KCNN2: variants seen among roughly 807,000 people sequenced by gnomAD.
KCNN2 encodes the protein potassium calcium-activated channel subfamily N member 2.
Under a neutral mutation model 55.5 loss-of-function variants are expected in KCNN2, and 24 were observed. That is an observed-to-expected ratio of 0.43 (90% CI 0.31 to 0.61). The LOEUF is 0.61. KCNN2 is among the 20% of genes least tolerant of loss of function. The pLI is 0.08. For missense variants in KCNN2, 754 were observed against 853.6 expected, an observed-to-expected ratio of 0.88 and a Z score of 1.45; for synonymous variants, 431 against 336.1, an observed-to-expected ratio of 1.28 and a Z score of -3.09.
At chr5:114,078,741 G>A (rs1225535195) in intron 1 of KCNN2, among the ~76,000 whole-genome samples, 1 of 152,166 alleles carries the variant, frequency 6.6e-6, no homozygotes, top group Non-Finnish European at 1.5e-5. Flanking sequence ...TGGATAAGAT[G>A]TAGGTAGGTA....
chr5:114,469,977 T>A (rs2125772), intron 4 of KCNN2, among the ~76,000 whole-genome samples: 121,964 of 152,020 alleles, frequency 0.8, 49,305 homozygotes, highest in East Asian at 0.92. Flanking sequence ...AAAGGAGTAG[T>A]GTTAGGATAA....
At chr5:114,141,075 C>T (rs1439061208) in intron 1 of KCNN2, among the ~76,000 whole-genome samples, 1 of 152,076 alleles carries the variant, frequency 6.6e-6, no homozygotes, top group African/African-American at 2.4e-5. Flanking sequence ...GCATAAGCCA[C>T]CATGCCTGCT....
intron 2 of KCNN2, among the ~76,000 whole-genome samples, chr5:114,399,852 A>G (rs560167876): frequency 2.9e-4 from 44 of 149,952 alleles, no homozygotes; most frequent in African/African-American, 1.0e-3. Flanking sequence ...TGTTTCCAGG[A>G]ATTTTTCTAT....
chr5:114,160,778 T>C (rs1209791451), intron 1 of KCNN2, among the ~76,000 whole-genome samples: 2 of 149,966 alleles, frequency 1.3e-5, no homozygotes, highest in African/African-American at 5.1e-5. Flanking sequence ...TTGTCTCTTT[T>C]GATCTTTGTT....
intron 2 of KCNN2, among the ~76,000 whole-genome samples, chr5:114,381,205 T>C (rs1758115435): frequency 6.6e-6 from 1 of 152,220 alleles, no homozygotes; most frequent in Non-Finnish European, 1.5e-5. Flanking sequence ...TGCCATAATG[T>C]TCTGTATCAC....
intron 2 of KCNN2, among the ~76,000 whole-genome samples, chr5:114,242,492 A>G (rs1321249163): frequency 6.6e-6 from 1 of 152,216 alleles, no homozygotes; most frequent in Non-Finnish European, 1.5e-5. Context: ...CATTGTTTAT[A>G]GTGACACCAG....
chr5:114,273,080 T>C (rs1755398916), intron 2 of KCNN2, among the ~76,000 whole-genome samples: 1 of 152,122 alleles, frequency 6.6e-6, no homozygotes, highest in Non-Finnish European at 1.5e-5. Flanking sequence ...CCTGTGTCCA[T>C]GTATTCTCAT....
intron 2 of KCNN2, among the ~76,000 whole-genome samples, chr5:114,307,420 C>T (rs972193109): frequency 4.6e-5 from 7 of 152,122 alleles, no homozygotes; most frequent in Non-Finnish European, 1.0e-4. Flanking sequence ...ATTGCTACGC[C>T]GGTCTGGCCT....
intron 1 of KCNN2, among the ~76,000 whole-genome samples, chr5:114,086,590 A>G (rs745457912): frequency 6.6e-6 from 1 of 151,934 alleles, no homozygotes; most frequent in Non-Finnish European, 1.5e-5. Context: ...AGCTGCATCT[A>G]TGTCACTGCA....
chr5:114,287,615 G>A (rs1243404891), intron 2 of KCNN2, among the ~76,000 whole-genome samples: 1 of 151,908 alleles, frequency 6.6e-6, no homozygotes, highest in African/African-American at 2.4e-5. Flanking sequence ...GGGGGCAAGG[G>A]GAGGGATAGC....
At chr5:114,238,423 C>G (rs1029821936) in intron 2 of KCNN2, among the ~76,000 whole-genome samples, 2 of 151,932 alleles carry the variant, frequency 1.3e-5, no homozygotes, top group African/African-American at 4.8e-5. Flanking sequence ...CTCAGGAGTT[C>G]AAGACCAGCC....
At chr5:114,065,182 A>T (rs1251986356) in intron 1 of KCNN2, among the ~76,000 whole-genome samples, 1 of 152,200 alleles carries the variant, frequency 6.6e-6, no homozygotes, top group Non-Finnish European at 1.5e-5. Context: ...GCGAAGAGGA[A>T]CTATCCCTTG....
At chr5:114,279,038 T>A (rs1755562391) in intron 2 of KCNN2, among the ~76,000 whole-genome samples, 1 of 152,022 alleles carries the variant, frequency 6.6e-6, no homozygotes, top group Non-Finnish European at 1.5e-5. Flanking sequence ...TTTGTTTTAT[T>A]GCATTGGCCC....
chr5:114,162,748 A>G (rs1352719763), intron 1 of KCNN2, among the ~76,000 whole-genome samples: 1 of 152,110 alleles, frequency 6.6e-6, no homozygotes, highest in Non-Finnish European at 1.5e-5. Flanking sequence ...GTTTGATCTC[A>G]GTCTGCTGTG....
intron 3 of KCNN2, among the ~76,000 whole-genome samples, chr5:114,442,806 A>G (rs982691794): frequency 4.2e-4 from 64 of 152,300 alleles, no homozygotes; most frequent in African/African-American, 1.5e-3. Context: ...TCATCGGAAC[A>G]GGACCTTCAG....
At chr5:114,419,397 T>C (rs1373490967) in intron 3 of KCNN2, among the ~76,000 whole-genome samples, 1 of 152,264 alleles carries the variant, frequency 6.6e-6, no homozygotes, top group African/African-American at 2.4e-5. Flanking sequence ...AGCATCATTT[T>C]GTCAAATTTG....
chr5:114,138,785 A>T (rs1435693607), intron 1 of KCNN2, among the ~76,000 whole-genome samples: 4 of 152,118 alleles, frequency 2.6e-5, no homozygotes, highest in African/African-American at 7.2e-5. Context: ...GAGGAGGAGG[A>T]AGAGGAGAGT....
rs1257569742 is a variant in KCNN2, at chr5:114,209,025, CT to C, written c.-270-12451del. Among the ~76,000 whole-genome samples the C allele has an allele frequency of 1.6e-4, 24 of 151,102 alleles. No individual in the cohort carries two copies. In the East Asian group the frequency reaches 4.5e-3, roughly 28 times the overall value. On this transcript the variant is annotated intron_variant, in intron 1 of 10. Coordinates refer to the KCNN2 transcript ENST00000512097. ...ACATTCACTCCTTATCTTTCTTAGC[CT>C]TTTGCTTCTCTTGATACACTGTTGG...
intron 2 of KCNN2, among the ~76,000 whole-genome samples, chr5:114,250,206 A>T (rs1754830599): frequency 2.0e-5 from 3 of 152,236 alleles, no homozygotes; most frequent in Admixed American, 6.5e-5. Flanking sequence ...GCCTTTTAAA[A>T]AAAGGAATGT....
Sources: allele counts gnomAD v4.1 joint callset (sites outside exome capture counted in the v4.1 genomes callset), GRCh38; gene constraint gnomAD v4.1.1; transcripts MANE v1.5; gene names NCBI Gene and HGNC (gene_info 2026-07-23, HGNC 2026-07-21).